The following PALM variants were observed in gnomAD, a reference collection of about 807,000 sequenced individuals.
PALM encodes the protein paralemmin.
PALM carries 18 observed loss-of-function variants against 30.7 expected under a neutral mutation model. The ratio of observed to expected loss-of-function variants is 0.59; its 90% confidence interval spans 0.41 to 0.87. The LOEUF is 0.87. Ranked by LOEUF, PALM falls within the 40% of genes least tolerant of loss-of-function variation. The pLI is 0.00. For synonymous variants in PALM, 286 were observed against 242.8 expected (o/e 1.18, Z -1.66); for missense variants, 529 against 555.4 (o/e 0.95, Z 0.48).
chr19:736,914 A>G (rs1458459883), intron 7 of PALM, among the ~76,000 whole-genome samples: 5 of 152,176 alleles, frequency 3.3e-5, no homozygotes, highest in African/African-American at 1.2e-4. Flanking sequence ...TTAGCCGGGC[A>G]TGGTGGTGCA....
chr19:714,903 C>A (rs1441561563), intron 1 of PALM, among the ~76,000 whole-genome samples: 1 of 152,190 alleles, frequency 6.6e-6, no homozygotes, highest in African/African-American at 2.4e-5. Context: ...CATCCTCCCA[C>A]CTCAGCCTCC....
intron 7 of PALM, among the ~76,000 whole-genome samples, chr19:739,972 A>G (rs1568232587): frequency 6.6e-6 from 1 of 152,228 alleles, no homozygotes; most frequent in Non-Finnish European, 1.5e-5. Context: ...TCTCAAAAAA[A>G]TTAAAAAGAT....
At position 746,743 on chromosome 19, in the gene PALM, G is replaced by A. The variant is rs777675630; in HGVS notation, c.1093G>A (p.Glu365Lys). 22 of 1,600,298 alleles carry A rather than the reference G, an allele frequency of 1.4e-5. No individual in the cohort carries two copies. The highest frequency in any genetic ancestry group is 5.1e-5 in the Admixed American group (3 of 58,776). Residue 365 changes from glutamate (E) to lysine (K), a missense_variant, in exon 9 of 9, where the codon GAG becomes AAG. Physicochemically the swap from Glu to Lys is moderately conservative, Grantham distance 56 (BLOSUM62 1). Transcript: ENST00000338448. The surrounding 1 kb of genome is among the most constrained non-coding windows in gnomAD (Gnocchi z 7.1). ...ASREENQAGP[E>K]ATTSDPQDLD... ...CAGGGAAGAGAATCAGGCGGGGCCC[G>A]AGGCCACCACCAGCGACCCCCAGGA...
intron 6 of PALM, 136 bp downstream of exon 6, chr19:734,330 C>G: frequency 1.3e-6 from 1 of 765,292 alleles, no homozygotes; most frequent in Non-Finnish European, 2.2e-6. Context: ...GAGGCCGAGG[C>G]GGGTAGATCT....
intron 7 of PALM, among the ~76,000 whole-genome samples, chr19:738,537 AGAGG>A (rs1003741478): frequency 1.3e-4 from 20 of 150,558 alleles, no homozygotes; most frequent in African/African-American, 4.9e-4. Context: ...AAAAAAAAAA[AGAGG>A]GAGGACTGAG....
At chr19:732,559 G>C (rs760037979) in intron 5 of PALM, among the ~76,000 whole-genome samples, 6 of 152,140 alleles carry the variant, frequency 3.9e-5, no homozygotes, top group African/African-American at 1.2e-4. Flanking sequence ...ACCAGATGTC[G>C]TGGCCGGCAC....
At chr19:726,865 T>A in intron 2 of PALM, 143 bp from the exon 3 acceptor site, 1 of 617,972 alleles carries the variant, frequency 1.6e-6, no homozygotes, top group Non-Finnish European at 2.9e-6. Context: ...AGTGGTGCGA[T>A]CCGCTGTCAC....
chr19:733,421 A>C (rs529499295), intron 5 of PALM, among the ~76,000 whole-genome samples: 1 of 152,358 alleles, frequency 6.6e-6, no homozygotes, highest in East Asian at 1.9e-4. Flanking sequence ...GCCCTGAGAC[A>C]GGAGTGTGTC....
At chr19:721,926 A>G (rs368964431) in intron 1 of PALM, among the ~76,000 whole-genome samples, 19 of 144,080 alleles carry the variant, frequency 1.3e-4, no homozygotes, top group South Asian at 1.1e-3. Context: ...TTTTTTTAAT[A>G]TATATTTTTT....
At chr19:720,112 C>T (rs1432388712) in intron 1 of PALM, among the ~76,000 whole-genome samples, 1 of 151,828 alleles carries the variant, frequency 6.6e-6, no homozygotes, top group Non-Finnish European at 1.5e-5. Context: ...ATTCCCGACC[C>T]CTCCCGCCCG....
At chr19:728,034 C>T (rs1033057227) in intron 4 of PALM, among the ~76,000 whole-genome samples, 2 of 147,768 alleles carry the variant, frequency 1.4e-5, no homozygotes, top group African/African-American at 5.3e-5. Flanking sequence ...GACGTGACGT[C>T]GAGCTCGTGG....
chr19:726,995 G>GCCCCCCCCCCCCC lies in PALM; in HGVS notation c.58-10_58-9insCCCCCCCCCCCCC. ...CCACGCCCATCCCTGACCCCACCCGGCCCTCCCCACAGGAGAAGCGGAAGC... is the reference window on the plus strand; with the variant it reads ...CCACGCCCATCCCTGACCCCACCCGGCCCCCCCCCCCCCCCCTCCCCACAGGAGAAGCGGAAGC... On this transcript the variant is annotated splice_polypyrimidine_tract_variant and intron_variant, in intron 2 of 8. Transcript: ENST00000338448. The GCCCCCCCCCCCCC allele has an allele frequency of 2.7e-6, 2 of 753,602 alleles. No homozygotes were observed. Among genetic ancestry groups the GCCCCCCCCCCCCC allele is most frequent in the Non-Finnish European group, 4.2e-6 (2 of 479,432 alleles). 46.7% of individuals were successfully genotyped at this position (753,602 alleles called of 1,614,324 possible). A position where few individuals can be genotyped will look rare whatever the true frequency, so the allele number is the denominator to read the frequency against.
chr19:709,101 C>T lies in PALM; in HGVS notation c.-46C>T. The T allele has an allele frequency of 3.4e-6, 1 of 290,356 alleles. No individual in the cohort carries two copies. Among genetic ancestry groups the T allele is most frequent in the Admixed American group, 5.3e-5 (1 of 18,968 alleles). The allele number at this position is 290,356 out of a possible 1,614,324, so 18.0% of individuals were successfully genotyped here. On this transcript the variant is annotated 5_prime_UTR_variant, in exon 1 of 9. Transcript: ENST00000338448. The surrounding 1 kb of genome is among the most constrained non-coding windows in gnomAD (Gnocchi z 4.3). ...CCCCTCCCCCGCGCGCCACCCGCGC[C>T]CGCCCCCGCCCGGCACCGCGGACCC...
At chr19:734,129 C>T (rs567698019) in intron 5 of PALM, 44 bp from the exon 6 acceptor site, 22 of 1,609,124 alleles carry the variant, frequency 1.4e-5, no homozygotes, top group South Asian at 1.1e-4. Flanking sequence ...TTCCTCTTCC[C>T]GGGGATGCTG....
chr19:727,939 AC>A, intron 4 of PALM: 1 of 481,038 alleles, frequency 2.1e-6, no homozygotes, highest in Non-Finnish European at 3.7e-6. Flanking sequence ...GCAGGGAGAT[AC>A]CCCTTTCCCT....
chr19:732,123 C>T (rs2238560), intron 5 of PALM, among the ~76,000 whole-genome samples: 3,014 of 152,270 alleles, frequency 0.02, 53 homozygotes, highest in East Asian at 0.069. Context: ...ACCACAGGCA[C>T]GCACCACCAC....
intron 7 of PALM, 110 bp from the exon 8 acceptor site, chr19:740,242 C>A: frequency 8.8e-7 from 1 of 1,130,424 alleles, no homozygotes; most frequent in Non-Finnish European, 1.2e-6. Context: ...CCTGCCCCAT[C>A]GCTGCTTGGC....
chr19:744,130 G>A (rs2144929412), intron 8 of PALM, among the ~76,000 whole-genome samples: 1 of 152,338 alleles, frequency 6.6e-6, no homozygotes, highest in South Asian at 2.1e-4. Context: ...GCCGGGCATG[G>A]TGGCTCACGC....
chr19:738,465 G>A (rs2033088301), intron 7 of PALM, among the ~76,000 whole-genome samples: 1 of 152,090 alleles, frequency 6.6e-6, no homozygotes, highest in South Asian at 2.1e-4. Flanking sequence ...GGCAGAGATT[G>A]CAGTGATCTG....
Sources: allele counts gnomAD v4.1 joint callset (sites outside exome capture counted in the v4.1 genomes callset), GRCh38; gene constraint gnomAD v4.1.1; non-coding constraint Gnocchi (gnomAD v3.1); transcripts MANE v1.5; gene names NCBI Gene and HGNC (gene_info 2026-07-23, HGNC 2026-07-21).